Variants in PADI3 observed in about 807,000 individuals in gnomAD.
PADI3 encodes protein-arginine deiminase type-3.
In PADI3, 53 loss-of-function variants were observed where a neutral mutation model predicts 71.5. The observed-to-expected ratio is 0.74, with a 90% confidence interval of 0.59 to 0.93. The LOEUF (loss-of-function observed/expected upper bound fraction) is 0.93, where lower values mean the gene tolerates loss of function less well. Among genes scored for constraint, PADI3 ranks in the 40% least tolerant of loss-of-function variants. The pLI is 0.00. For synonymous variants in PADI3, 361 were observed against 347.5 expected, an observed-to-expected ratio of 1.04 and a Z score of -0.43; for missense variants, 821 against 868.0, an observed-to-expected ratio of 0.95 and a Z score of 0.68.
At chr1:17,266,533 C>T (rs1557504707) in intron 4 of PADI3, among the ~76,000 whole-genome samples, 186 bp from the exon 5 acceptor site, 1 of 152,216 alleles carries the variant, frequency 6.6e-6, no homozygotes, top group Admixed American at 6.5e-5. Flanking sequence ...CAGCTCTGTG[C>T]TTTGGACTGG....
At position 17,249,103 on chromosome 1, in the gene PADI3, T is replaced by C; in HGVS notation, c.-35T>C. On this transcript the variant is annotated 5_prime_UTR_variant, in exon 1 of 16. Coordinates refer to ENST00000375460, the MANE Select transcript of PADI3 (RefSeq NM_016233.2). Reference sequence around the variant, plus strand: ...TCCTAAGGGGCCTCAGGGGCAGTGTTGGGGTTGGCGGCCACAGCTAAGTCC... The same window carrying C: ...TCCTAAGGGGCCTCAGGGGCAGTGTCGGGGTTGGCGGCCACAGCTAAGTCC... The C allele has an allele frequency of 1.3e-6, 2 of 1,582,678 alleles. No individual in the cohort carries two copies. Among genetic ancestry groups the C allele is most frequent in the South Asian group, 1.1e-5 (1 of 90,408 alleles).
chr1:17,281,171 G>A (rs2073395643), intron 15 of PADI3, among the ~76,000 whole-genome samples: 1 of 152,220 alleles, frequency 6.6e-6, no homozygotes, highest in African/African-American at 2.4e-5. Context: ...ATGTATTTAG[G>A]GTGTCCTGTG....
intron 1 of PADI3, among the ~76,000 whole-genome samples, chr1:17,252,293 C>T (rs2072975035): frequency 6.6e-6 from 1 of 152,114 alleles, no homozygotes; most frequent in Non-Finnish European, 1.5e-5. Context: ...TTCCACAGCC[C>T]AGGTGGTTTG....
chr1:17,283,157 CG>C lies in PADI3; in HGVS notation c.*79del. 9.0e-7 allele frequency: 1 copy of C among 1,106,246 alleles called. No individual in the cohort carries two copies. Among genetic ancestry groups the C allele is most frequent in the African/African-American group, 1.5e-5 (1 of 65,082 alleles). 68.5% of individuals were successfully genotyped at this position (1,106,246 alleles called of 1,614,324 possible). A position where few individuals can be genotyped will look rare whatever the true frequency, so the allele number is the denominator to read the frequency against. On this transcript the variant is annotated 3_prime_UTR_variant, in exon 16 of 16. Coordinates refer to ENST00000375460, the MANE Select transcript of PADI3 (RefSeq NM_016233.2). ...GTGGAGACAGAGACAGGCCCCTGAA[CG>C]ATAAGCACCAAGAGACCCCAAGGCT...
At chr1:17,274,538 T>C (rs2073299011) in intron 10 of PADI3, 97 bp from the exon 11 acceptor site, 1 of 1,137,384 alleles carries the variant, frequency 8.8e-7, no homozygotes, top group Admixed American at 2.2e-5. Context: ...ATGGATGGCC[T>C]TTCCCACCCT....
At position 17,259,759 on chromosome 1, in the gene PADI3, G is replaced by A. The variant is rs761586052; in HGVS notation, c.273+1G>A. 1.3e-6 allele frequency: 2 copies of A among 1,598,938 alleles called. No individual in the cohort carries two copies. The highest frequency in any genetic ancestry group is 1.7e-6 in the Non-Finnish European group (2 of 1,169,270). On this transcript the variant is annotated splice_donor_variant, in intron 2 of 15. Transcript: ENST00000375460. LOFTEE classifies it high-confidence loss of function. The stretch of plus-strand genomic sequence containing the variant: ...CAGCAATGACCTCAACGACAGCCAT[G>A]TGAGCTGGTCCCTGGTGGGGTGGGG...
chr1:17,283,241 C>T lies in PADI3; in HGVS notation c.*162C>T. The T allele has an allele frequency of 1.6e-6, 1 of 608,606 alleles. No individual in the cohort carries two copies. The highest frequency in any genetic ancestry group is 2.9e-6 in the Non-Finnish European group (1 of 341,748). The allele number at this position is 608,606 out of a possible 1,614,324, so 37.7% of individuals were successfully genotyped here. ...CAGAAGCCTTTTCCCTGGAAGTGTC[C>T]ATGCCTCACCTGCAACCCATGTGGT... is the stretch of plus-strand genomic sequence containing the variant. On this transcript the variant is annotated 3_prime_UTR_variant, in exon 16 of 16. Transcript: ENST00000375460.
chr1:17,277,608 C>T (rs2073351751), intron 13 of PADI3, among the ~76,000 whole-genome samples: 1 of 152,236 alleles, frequency 6.6e-6, no homozygotes, highest in Admixed American at 6.5e-5. Flanking sequence ...GCCTCCCTGG[C>T]ACAGATTCTC....
intron 2 of PADI3, 49 bp downstream of exon 2, chr1:17,259,807 G>T: frequency 6.6e-7 from 1 of 1,512,808 alleles, no homozygotes. Context: ...GGAGGCAGCT[G>T]TCTAGCTCTA....
chr1:17,280,880 A>G (rs554633177), intron 15 of PADI3, 84 bp downstream of exon 15: 11 of 1,525,212 alleles, frequency 7.2e-6, no homozygotes, highest in South Asian at 5.9e-5. Flanking sequence ...GGTCACAGTC[A>G]TATTTAGGAT....
In PADI3 at chr1:17,276,511, G is replaced by A. The variant is rs1332279004; in HGVS notation, c.1308-8G>A. The A allele has an allele frequency of 1.2e-6, 2 of 1,613,148 alleles. No individual in the cohort carries two copies. Among genetic ancestry groups the A allele is most frequent in the African/African-American group, 1.3e-5 (1 of 74,768 alleles). ...AAGCAACTTTTTTTTTAACCTCGTG[G>A]GTCCCAGGTCAAGTGGCCGCAGGGT... On this transcript the variant is annotated splice_region_variant and splice_polypyrimidine_tract_variant and intron_variant, in intron 11 of 15. Coordinates refer to ENST00000375460, the MANE Select transcript of PADI3 (RefSeq NM_016233.2).
At chr1:17,260,861 C>T (rs945709369) in intron 2 of PADI3, among the ~76,000 whole-genome samples, 2 of 152,144 alleles carry the variant, frequency 1.3e-5, no homozygotes, top group East Asian at 1.9e-4. Context: ...ACCTTGGTGC[C>T]GGTTGAAGTG....
intron 2 of PADI3, 138 bp downstream of exon 2, chr1:17,259,896 A>G (rs569150273): frequency 3.0e-6 from 2 of 663,978 alleles, no homozygotes; most frequent in South Asian, 2.4e-5. Flanking sequence ...CATACTGCTG[A>G]TTTTGAATCC....
At position 17,279,561 on chromosome 1, in the gene PADI3, T is replaced by C. The variant is rs1239737278; in HGVS notation, c.1556-789T>C. Among the ~76,000 whole-genome samples, 10 of 152,200 alleles carry C rather than the reference T, an allele frequency of 6.6e-5. No homozygotes were observed. In the East Asian group the frequency reaches 1.9e-3, roughly 29 times the overall value. ...AAGGCTTGAGGCCCTGTGCGAGCCC[T>C]GGGCTTGGGTTTGAATCACAAGCCC... On this transcript the variant is annotated intron_variant, in intron 13 of 15. Transcript: ENST00000375460.
chr1:17,269,877 C>T (rs1269732589), intron 6 of PADI3, among the ~76,000 whole-genome samples: 1 of 152,070 alleles, frequency 6.6e-6, no homozygotes, highest in Non-Finnish European at 1.5e-5. Flanking sequence ...CTTCGGTCTC[C>T]CAAAGTGCTG....
At chr1:17,274,927 G>T in intron 11 of PADI3, 141 bp downstream of exon 11, 1 of 848,500 alleles carries the variant, frequency 1.2e-6, no homozygotes. Context: ...GGATGTGCTG[G>T]GGTTGGTGGG....
intron 1 of PADI3, 41 bp downstream of exon 1, chr1:17,249,270 T>C (rs1245206561): frequency 6.6e-7 from 1 of 1,505,632 alleles, no homozygotes. Context: ...CCCTTGGTGC[T>C]GATGCCCTTG....
Position 17,259,883 on chromosome 1 carries a change from A to G in PADI3, c.273+125A>G. Reference sequence around the variant, plus strand: ...ACAGTGGGTAAGTGCCTGGCCTTGGAGCCATACTGCTGATTTTGAATCCCA... The same window carrying G: ...ACAGTGGGTAAGTGCCTGGCCTTGGGGCCATACTGCTGATTTTGAATCCCA... On this transcript the variant is annotated intron_variant, in intron 2 of 15. Transcript: ENST00000375460. The G allele has an allele frequency of 4.0e-6, 3 of 741,128 alleles. No individual in the cohort carries two copies. The East Asian group carries it at 8.9e-5, about 22-fold the overall frequency. 45.9% of individuals were successfully genotyped at this position (741,128 alleles called of 1,614,324 possible).
intron 1 of PADI3, among the ~76,000 whole-genome samples, chr1:17,251,799 T>C (rs1170038428): frequency 6.6e-6 from 1 of 152,216 alleles, no homozygotes; most frequent in Admixed American, 6.5e-5. Context: ...TCATCATCAG[T>C]TTAAGGCTTT....
Sources: gnomAD v4.1 joint callset for allele counts (sites outside exome capture counted in the v4.1 genomes callset) on GRCh38, gnomAD v4.1.1 for gene constraint, MANE v1.5 for transcripts, NCBI Gene and HGNC (gene_info 2026-07-23, HGNC 2026-07-21) for gene names.